The following VWA5B1 variants were observed in gnomAD, a reference collection of about 807,000 sequenced individuals.
VWA5B1 encodes the protein von Willebrand factor A domain containing 5B1, also known as von Willebrand factor A domain-containing protein 5B1.
In VWA5B1, 115 loss-of-function variants were observed where a neutral mutation model predicts 118.2. That is an observed-to-expected ratio of 0.97 (90% CI 0.84 to 1.14). VWA5B1 has a LOEUF of 1.14. VWA5B1 is among the 50% of genes most tolerant of loss of function. The pLI is 0.00. For synonymous variants in VWA5B1, 682 were observed against 658.4 expected (o/e 1.04, Z -0.55); for missense variants, 1,596 against 1,603.8 (o/e 1.00, Z 0.08).
chr1:20,320,052 G>A (rs1394836233), intron 7 of VWA5B1, among the ~76,000 whole-genome samples: 1 of 152,206 alleles, frequency 6.6e-6, no homozygotes, highest in Non-Finnish European at 1.5e-5. Context: ...GGGAACGTTG[G>A]AGGCTGAGCG....
Position 20,354,319 on chromosome 1 carries a change from G to A in VWA5B1, c.*56G>A. 6.8e-7 allele frequency: 1 copy of A among 1,481,236 alleles called. No individual in the cohort carries two copies. 91.8% of individuals were successfully genotyped at this position (1,481,236 alleles called of 1,614,324 possible). A position where few individuals can be genotyped will look rare whatever the true frequency, so the allele number is the denominator to read the frequency against. On this transcript the variant is annotated 3_prime_UTR_variant, in exon 22 of 22. Transcript: ENST00000289815. Reference sequence around the variant, plus strand: ...GGGTGGGGAGGAGAGGGATGGGCAGGGCCATGTCGGCCTGGTTTCGGGGAG... The same window carrying A: ...GGGTGGGGAGGAGAGGGATGGGCAGAGCCATGTCGGCCTGGTTTCGGGGAG...
chr1:20,332,621 G>C, intron 11 of VWA5B1, 145 bp from the exon 12 acceptor site: 3 of 633,436 alleles, frequency 4.7e-6, no homozygotes, highest in Non-Finnish European at 5.0e-6. Flanking sequence ...AAGCTCAGAA[G>C]TGTGCTCAGT....
At chr1:20,303,793 C>T (rs966717817) in intron 1 of VWA5B1, among the ~76,000 whole-genome samples, 1 of 152,226 alleles carries the variant, frequency 6.6e-6, no homozygotes, top group South Asian at 2.1e-4. Flanking sequence ...GGAGCCCTGA[C>T]ACAGCCCCCT....
At chr1:20,333,791 A>G (rs995377004) in intron 12 of VWA5B1, among the ~76,000 whole-genome samples, 3 of 152,206 alleles carry the variant, frequency 2.0e-5, no homozygotes, top group Non-Finnish European at 4.4e-5. Context: ...TTGCCAAAGA[A>G]GCTGTTTCCT....
intron 18 of VWA5B1, chr1:20,349,124 A>G: frequency 2.5e-6 from 1 of 396,922 alleles, no homozygotes. Context: ...ACAGACATTG[A>G]TGGGTTTTAA....
intron 15 of VWA5B1, 129 bp downstream of exon 15, chr1:20,342,738 C>A: frequency 1.6e-6 from 2 of 1,226,942 alleles, no homozygotes; most frequent in Non-Finnish European, 1.1e-6. Context: ...TGCGGCTCAC[C>A]CCTCTCTGAG....
At chr1:20,352,204 C>T in intron 21 of VWA5B1, 32 bp downstream of exon 21, 18 of 1,495,638 alleles carry the variant, frequency 1.2e-5, no homozygotes, top group Non-Finnish European at 1.6e-5. Flanking sequence ...GTCAGTCTCC[C>T]TCCGCTCCAC....
intron 12 of VWA5B1, among the ~76,000 whole-genome samples, chr1:20,333,241 A>G (rs1334107267): frequency 1.3e-5 from 2 of 152,252 alleles, no homozygotes; most frequent in Non-Finnish European, 2.9e-5. Context: ...TGGGAGGCCG[A>G]GGCAGGAAGA....
intron 13 of VWA5B1, among the ~76,000 whole-genome samples, chr1:20,337,424 A>G (rs2089748984): frequency 5.9e-5 from 9 of 152,038 alleles, no homozygotes; most frequent in Admixed American, 5.9e-4. Context: ...CACCACACCC[A>G]GCCACATTGT....
At chr1:20,345,337 C>A in intron 16 of VWA5B1, 119 bp from the exon 17 acceptor site, 2 of 1,347,534 alleles carry the variant, frequency 1.5e-6, no homozygotes, top group Non-Finnish European at 2.0e-6. Flanking sequence ...ATTTTAAAGG[C>A]TTCTTTAATC....
intron 1 of VWA5B1, among the ~76,000 whole-genome samples, chr1:20,308,633 A>C (rs2088742773): frequency 6.6e-6 from 1 of 152,180 alleles, no homozygotes; most frequent in African/African-American, 2.4e-5. Flanking sequence ...TCCTGAGAGA[A>C]GGCTACTTGG....
chr1:20,330,432 T>C (rs1454878916), intron 10 of VWA5B1, 50 bp downstream of exon 10: 2 of 1,545,054 alleles, frequency 1.3e-6, no homozygotes, highest in African/African-American at 1.4e-5. Flanking sequence ...CTGCCGGGGC[T>C]GGGGCGCCAG....
At chr1:20,316,950 G>A (rs1489393983) in intron 4 of VWA5B1, among the ~76,000 whole-genome samples, 1 of 151,970 alleles carries the variant, frequency 6.6e-6, no homozygotes, top group African/African-American at 2.4e-5. Flanking sequence ...GAGGTCAGGA[G>A]ATTGAGACCA....
intron 17 of VWA5B1, among the ~76,000 whole-genome samples, chr1:20,347,058 G>T (rs1422380860): frequency 1.3e-5 from 2 of 152,110 alleles, no homozygotes; most frequent in Non-Finnish European, 2.9e-5. Flanking sequence ...TAGGGACCTG[G>T]CCCATATCTT....
chr1:20,352,031 G>A (rs965344911), intron 20 of VWA5B1, 24 bp from the exon 21 acceptor site: 1 of 1,542,648 alleles, frequency 6.5e-7, no homozygotes, highest in Admixed American at 2.0e-5. Context: ...GGATGCCCAG[G>A]GCCACCTGAC....
At position 20,310,635 on chromosome 1, in the gene VWA5B1, G is replaced by A; in HGVS notation, c.34G>A (p.Ala12Thr). Residue 12 changes from alanine to threonine, a missense_variant, in exon 2 of 22, where the codon GCC becomes ACC. Transcript: ENST00000289815. ...PGLLNWITGA[A>T]LPLTASDVTS... ...CTTGCTGAATTGGATCACGGGGGCAGCCCTGCCCCTCACCGCGTCTGATGT... is the reference window on the plus strand; with the variant it reads ...CTTGCTGAATTGGATCACGGGGGCAACCCTGCCCCTCACCGCGTCTGATGT... 6.5e-7 allele frequency: 1 copy of A among 1,549,662 alleles called. No homozygotes were observed. Among genetic ancestry groups the A allele is most frequent in the Non-Finnish European group, 8.7e-7 (1 of 1,146,172 alleles).
At chr1:20,317,734 C>A in intron 5 of VWA5B1, 59 bp downstream of exon 5, 1 of 1,322,878 alleles carries the variant, frequency 7.6e-7, no homozygotes. Flanking sequence ...CAAAGGCTGC[C>A]AGGGATGGGA....
intron 7 of VWA5B1, among the ~76,000 whole-genome samples, chr1:20,322,571 T>C (rs1249918943): frequency 6.6e-6 from 1 of 152,190 alleles, no homozygotes; most frequent in African/African-American, 2.4e-5. Flanking sequence ...AGAGATGACC[T>C]GCCCTCAAGT....
rs1034662872 is a variant in VWA5B1, at chr1:20,318,549, C to A, written c.710-41C>A. ...CCAGCGAACTCCTCTCTCTCCTGACCTCATGAGCCTATATCCCCCTTGCCT... is the reference window on the plus strand; with the variant it reads ...CCAGCGAACTCCTCTCTCTCCTGACATCATGAGCCTATATCCCCCTTGCCT... On this transcript the variant is annotated intron_variant, in intron 5 of 21. Transcript: ENST00000289815. The A allele has an allele frequency of 4.5e-6, 7 of 1,549,858 alleles. No homozygotes were observed. The East Asian group carries it at 1.5e-4, about 32-fold the overall frequency.
Sources: allele counts gnomAD v4.1 joint callset (sites outside exome capture counted in the v4.1 genomes callset), GRCh38; gene constraint gnomAD v4.1.1; transcripts MANE v1.5; gene names NCBI Gene and HGNC (gene_info 2026-07-23, HGNC 2026-07-21).